TMEM132C: variants seen among roughly 807,000 people sequenced by gnomAD.
TMEM132C encodes the protein transmembrane protein 132C.
In TMEM132C, 29 loss-of-function variants were observed where a neutral mutation model predicts 61.4. That is an observed-to-expected ratio of 0.47 (90% confidence interval 0.35 to 0.64). The LOEUF (loss-of-function observed/expected upper bound fraction) is 0.64. TMEM132C is among the 30% of genes least tolerant of loss of function. The probability of loss-of-function intolerance (pLI) is 0.00; values close to 1 mark genes in which losing one functional copy is unlikely to be tolerated. For missense variants in TMEM132C, 1,408 were observed against 1,476.9 expected, an observed-to-expected ratio of 0.95 and a Z score of 0.76; for synonymous variants, 656 against 633.1, an observed-to-expected ratio of 1.04 and a Z score of -0.54.
chr12:128,617,373 A>G (rs1220293349), intron 4 of TMEM132C, among the ~76,000 whole-genome samples: 1 of 152,214 alleles, frequency 6.6e-6, no homozygotes, highest in Non-Finnish European at 1.5e-5. Flanking sequence ...CTCACTGCCA[A>G]TCACTCCAGC....
At chr12:128,386,398 A>G (rs1874584259) in intron 1 of TMEM132C, among the ~76,000 whole-genome samples, 3 of 152,166 alleles carry the variant, frequency 2.0e-5, no homozygotes, top group Admixed American at 6.5e-5. Context: ...GGGCACAGGC[A>G]CAGAGGTGGC....
rs147555719 is a variant in TMEM132C, at chr12:128,474,025, C to T, written c.974+58405C>T. On this transcript the variant is annotated intron_variant, in intron 2 of 8. Transcript: ENST00000435159. ...ATAACAAACTACCTTATTGTCATCT[C>T]GGGTCCCTGTTACACTAATTCCTTG... Among the ~76,000 whole-genome samples, 153 of 152,290 alleles carry T rather than the reference C, an allele frequency of 1.0e-3. 1 individual carries two copies. The highest frequency in any genetic ancestry group is 1.8e-3 in the Admixed American group (28 of 15,290).
At chr12:128,599,594 T>C (rs1876096029) in intron 3 of TMEM132C, among the ~76,000 whole-genome samples, 1 of 152,232 alleles carries the variant, frequency 6.6e-6, no homozygotes, top group African/African-American at 2.4e-5. Context: ...CAGGAAGCTT[T>C]ACCAAAATGA....
intron 2 of TMEM132C, among the ~76,000 whole-genome samples, chr12:128,498,544 G>T (rs1872048971): frequency 6.6e-6 from 1 of 151,992 alleles, no homozygotes; most frequent in African/African-American, 2.4e-5. Flanking sequence ...GTTTGGTGGT[G>T]CATGCCTGTA....
At chr12:128,389,605 A>G (rs914782605) in intron 1 of TMEM132C, among the ~76,000 whole-genome samples, 1 of 150,200 alleles carries the variant, frequency 6.7e-6, no homozygotes, top group African/African-American at 2.5e-5. Flanking sequence ...TGTGTTGATC[A>G]TGGAGGGAGC....
intron 1 of TMEM132C, among the ~76,000 whole-genome samples, chr12:128,277,402 G>A (rs1206078577): frequency 6.6e-6 from 1 of 152,158 alleles, no homozygotes; most frequent in Non-Finnish European, 1.5e-5. Flanking sequence ...CTTATATTCT[G>A]TCCACACAGC....
intron 4 of TMEM132C, among the ~76,000 whole-genome samples, chr12:128,637,358 A>G (rs1414794392): frequency 6.6e-6 from 1 of 152,170 alleles, no homozygotes; most frequent in Non-Finnish European, 1.5e-5. Context: ...TGAGAAAGTC[A>G]AGGCTCAGAA....
intron 3 of TMEM132C, among the ~76,000 whole-genome samples, chr12:128,549,903 C>G (rs939794911): frequency 2.0e-5 from 3 of 152,156 alleles, no homozygotes; most frequent in African/African-American, 7.2e-5. Context: ...TCAGTAAGAG[C>G]TGGAGGTGGA....
intron 1 of TMEM132C, among the ~76,000 whole-genome samples, chr12:128,387,451 C>CTT (rs1183007642): frequency 2.0e-5 from 3 of 152,200 alleles, no homozygotes; most frequent in Non-Finnish European, 4.4e-5. Context: ...CTTTGAGTAA[C>CTT]TGAGTTCCAT....
intron 3 of TMEM132C, among the ~76,000 whole-genome samples, chr12:128,584,424 A>G (rs1340090921): frequency 6.6e-6 from 1 of 152,176 alleles, no homozygotes; most frequent in Non-Finnish European, 1.5e-5. Context: ...CACTTTGCAC[A>G]CACTGTATTT....
intron 4 of TMEM132C, among the ~76,000 whole-genome samples, chr12:128,622,403 C>G: frequency 1.6e-5 from 1 of 63,514 alleles, no homozygotes; most frequent in African/African-American, 4.4e-5. Context: ...ATATATATAA[C>G]CAGGAAACAT....
At chr12:128,528,198 T>C (rs1593087012) in intron 2 of TMEM132C, among the ~76,000 whole-genome samples, 1 of 152,200 alleles carries the variant, frequency 6.6e-6, no homozygotes, top group African/African-American at 2.4e-5. Context: ...TTGTCTTCCG[T>C]TGGCCAGCCT....
intron 1 of TMEM132C, among the ~76,000 whole-genome samples, chr12:128,275,859 A>G (rs996607846): frequency 1.1e-4 from 17 of 152,138 alleles, no homozygotes; most frequent in Admixed American, 3.3e-4. Context: ...GTCCAAAATC[A>G]TATGTTGTCA....
intron 3 of TMEM132C, among the ~76,000 whole-genome samples, chr12:128,588,243 G>A (rs1311295380): frequency 6.6e-6 from 1 of 152,108 alleles, no homozygotes; most frequent in African/African-American, 2.4e-5. Flanking sequence ...AGATAAGCCT[G>A]GGCAATATGG....
At chr12:128,667,159 T>G (rs1367430091) in intron 4 of TMEM132C, among the ~76,000 whole-genome samples, 1 of 152,146 alleles carries the variant, frequency 6.6e-6, no homozygotes, top group Non-Finnish European at 1.5e-5. Context: ...CATCTTAATT[T>G]TGGTGGAGTG....
chr12:128,438,497 A>G (rs1869673706), intron 2 of TMEM132C, among the ~76,000 whole-genome samples: 1 of 152,150 alleles, frequency 6.6e-6, no homozygotes, highest in Admixed American at 6.5e-5. Context: ...TGAACTTTCC[A>G]GTCATCAGAA....
chr12:128,578,684 G>A (rs565557654), intron 3 of TMEM132C, among the ~76,000 whole-genome samples: 18 of 152,144 alleles, frequency 1.2e-4, no homozygotes, highest in African/African-American at 3.9e-4. Flanking sequence ...TGCAATCTCC[G>A]CCTCCTGGGC....
chr12:128,500,095 A>G (rs544735805), intron 2 of TMEM132C, among the ~76,000 whole-genome samples: 5 of 152,316 alleles, frequency 3.3e-5, no homozygotes, highest in African/African-American at 9.6e-5. Flanking sequence ...TGTCAAGACA[A>G]TTCAGTGGGG....
chr12:128,347,474 G>T (rs934054314), intron 1 of TMEM132C, among the ~76,000 whole-genome samples: 1 of 145,138 alleles, frequency 6.9e-6, no homozygotes, highest in Non-Finnish European at 1.5e-5. Context: ...TGTTGCCCAG[G>T]CTGGAGTGCA....
Sources: allele counts gnomAD v4.1 joint callset (sites outside exome capture counted in the v4.1 genomes callset), GRCh38; gene constraint gnomAD v4.1.1; transcripts MANE v1.5; gene names NCBI Gene and HGNC (gene_info 2026-07-23, HGNC 2026-07-21).